Variants in KIAA0825 observed in about 807,000 individuals in gnomAD.
KIAA0825 encodes the protein KIAA0825.
A neutral mutation model predicts 147.6 loss-of-function variants in KIAA0825; 119 were observed. The observed-to-expected ratio is 0.81, with a 90% CI of 0.69 to 0.94. The LOEUF (loss-of-function observed/expected upper bound fraction) is 0.94. Among genes scored for constraint, KIAA0825 ranks in the 40% least tolerant of loss-of-function variants. The probability of loss-of-function intolerance (pLI) is 0.00; values close to 1 mark genes in which losing one functional copy is unlikely to be tolerated. For synonymous variants in KIAA0825, 470 were observed against 518.1 expected (o/e 0.91, Z 1.26); for missense variants, 1,381 against 1,472.7 (o/e 0.94, Z 1.02).
rs1750655021 is a variant in KIAA0825 at position 94,396,385 on chromosome 5, T to A, written c.3012A>T (p.Lys1004Asn). 9 of 1,550,088 alleles carry A rather than the reference T, an allele frequency of 5.8e-6. No individual in the cohort carries two copies. The highest frequency in any genetic ancestry group is 7.8e-6 in the Non-Finnish European group (9 of 1,146,524). Residue 1004 changes from lysine to asparagine, a missense_variant, in exon 17 of 21, where the codon AAA becomes AAT. Physicochemically the swap from Lys to Asn is moderately conservative, Grantham distance 94. Coordinates refer to ENST00000682413, the MANE Select transcript of KIAA0825 (RefSeq NM_001145678.3). The part of the protein sequence containing the change: ...FFLSERKMSK[K>N]FVELKKAGLL... ...GGCCAGCTTTCTTCAATTCAACAAA[T>A]TTTTTTGACATTTTTCTCTCAGACA...
intron 20 of KIAA0825, among the ~76,000 whole-genome samples, chr5:94,191,094 T>A (rs1313124084): frequency 6.6e-6 from 1 of 152,220 alleles, no homozygotes; most frequent in African/African-American, 2.4e-5. Flanking sequence ...TTCCATTAAA[T>A]GAATTCAAAT....
At chr5:94,191,321 C>T (rs577063243) in intron 20 of KIAA0825, among the ~76,000 whole-genome samples, 19 of 152,206 alleles carry the variant, frequency 1.2e-4, no homozygotes, top group African/African-American at 4.6e-4. Context: ...TGTTTAATTT[C>T]ATTCTAGAGA....
chr5:94,336,020 C>T (rs990684092), intron 20 of KIAA0825, among the ~76,000 whole-genome samples: 3 of 152,078 alleles, frequency 2.0e-5, no homozygotes, highest in Non-Finnish European at 4.4e-5. Context: ...TAATTGTCTA[C>T]AGTTTCCAGG....
chr5:94,286,073 T>G (rs1777654860), intron 20 of KIAA0825, among the ~76,000 whole-genome samples: 1 of 152,064 alleles, frequency 6.6e-6, no homozygotes, highest in African/African-American at 2.4e-5. Flanking sequence ...GAAAGCAAAA[T>G]AGAAACCCCT....
chr5:94,310,117 A>C (rs1779027143), intron 20 of KIAA0825, among the ~76,000 whole-genome samples: 1 of 151,758 alleles, frequency 6.6e-6, no homozygotes, highest in Non-Finnish European at 1.5e-5. Flanking sequence ...ACATATACTA[A>C]GTTAACATGC....
chr5:94,534,772 G>C (rs1771626419), intron 3 of KIAA0825, among the ~76,000 whole-genome samples: 1 of 152,118 alleles, frequency 6.6e-6, no homozygotes, highest in African/African-American at 2.4e-5. Flanking sequence ...AAAAGCATCA[G>C]AGTTCAGTGA....
Position 94,494,506 on chromosome 5 carries a change from G to C in KIAA0825, c.971-9576C>G, listed in dbSNP as rs575413541. Among the ~76,000 whole-genome samples the C allele has an allele frequency of 6.6e-5, 10 of 151,952 alleles. No individual in the cohort carries two copies. In the South Asian group the frequency reaches 2.1e-3, roughly 32 times the overall value. On this transcript the variant is annotated intron_variant, in intron 5 of 20. Coordinates refer to ENST00000682413, the MANE Select transcript of KIAA0825 (RefSeq NM_001145678.3). The stretch of plus-strand genomic sequence containing the variant: ...TTTCAGCTGACTTTTGTTTTATGCT[G>C]GTTTAACTCCCAGTTGTAAATACTT...
chr5:94,253,987 G>A (rs1222520469), intron 20 of KIAA0825, among the ~76,000 whole-genome samples: 2 of 152,074 alleles, frequency 1.3e-5, no homozygotes, highest in Admixed American at 1.3e-4. Flanking sequence ...TAGACTCTTA[G>A]TGAGCAAGAG....
chr5:94,305,132 T>C (rs927682186), intron 20 of KIAA0825, among the ~76,000 whole-genome samples: 8 of 152,072 alleles, frequency 5.3e-5, no homozygotes, highest in Non-Finnish European at 1.0e-4. Flanking sequence ...AAATATTCTT[T>C]GTGTTTAAGA....
At chr5:94,465,326 G>T (rs531612962) in intron 10 of KIAA0825, among the ~76,000 whole-genome samples, 3 of 152,296 alleles carry the variant, frequency 2.0e-5, no homozygotes, top group Middle Eastern at 3.4e-3. Flanking sequence ...CTAGCCTAGG[G>T]TTTAAAATCT....
chr5:94,340,083 A>G (rs142895412), intron 20 of KIAA0825, among the ~76,000 whole-genome samples: 375 of 152,274 alleles, frequency 2.5e-3, no homozygotes, highest in African/African-American at 8.4e-3. Flanking sequence ...GGTTGAGTTA[A>G]CATATGCTGT....
intron 20 of KIAA0825, among the ~76,000 whole-genome samples, chr5:94,179,852 C>A (rs1387973039): frequency 1.3e-5 from 2 of 150,272 alleles, no homozygotes; most frequent in African/African-American, 5.0e-5. Flanking sequence ...ATACATGAAT[C>A]CATACTAATA....
chr5:94,458,414 A>G (rs1327295226), intron 12 of KIAA0825, among the ~76,000 whole-genome samples: 2 of 152,176 alleles, frequency 1.3e-5, no homozygotes, highest in Non-Finnish European at 1.5e-5. Context: ...TGTGAAGAGC[A>G]ATTGTGGGTG....
chr5:94,447,697 A>T (rs1425756297), intron 13 of KIAA0825, among the ~76,000 whole-genome samples: 3 of 152,184 alleles, frequency 2.0e-5, no homozygotes, highest in African/African-American at 7.2e-5. Flanking sequence ...AGACCCACAT[A>T]GCATGTAATA....
chr5:94,546,820 G>A (rs116338637), intron 2 of KIAA0825, among the ~76,000 whole-genome samples: 7 of 125,578 alleles, frequency 5.6e-5, no homozygotes, highest in South Asian at 2.6e-4. Context: ...AAAAAAATCC[G>A]CAAGCATCAA....
At chr5:94,590,948 G>A (rs1784243026) in intron 1 of KIAA0825, among the ~76,000 whole-genome samples, 1 of 152,134 alleles carries the variant, frequency 6.6e-6, no homozygotes, top group African/African-American at 2.4e-5. Context: ...TAAAAGGAGA[G>A]GAAAACAGGA....
chr5:94,332,572 G>A (rs1781395714), intron 20 of KIAA0825, among the ~76,000 whole-genome samples: 1 of 152,114 alleles, frequency 6.6e-6, no homozygotes, highest in Non-Finnish European at 1.5e-5. Context: ...TTTTATGGCT[G>A]CATAGAATTC....
rs1761211201 is a variant in KIAA0825 at position 94,471,465 on chromosome 5, CT to C, written c.1721del (p.Lys574AsnfsTer81). The C allele has an allele frequency of 6.4e-7, 1 of 1,551,678 alleles. No homozygotes were observed. The highest frequency in any genetic ancestry group is 1.4e-5 in the African/African-American group (1 of 73,170). On this transcript the variant is annotated frameshift_variant and splice_region_variant, in exon 9 of 21. Coordinates refer to ENST00000682413, the MANE Select transcript of KIAA0825 (RefSeq NM_001145678.3). LOFTEE classifies it high-confidence loss of function. ...ATCATCTTAATTTAAACAACACTCA[CT>C]TTTTAGTCATTTCCTTCATCAAATT... Reference protein sequence around the residue: ...YDNLMKEMTKKPIFLVLVQRY... With the variant: ...YDNLMKEMTKXPIFLVLVQRY...
chr5:94,437,976 A>G (rs561675841), intron 14 of KIAA0825, among the ~76,000 whole-genome samples: 8 of 152,344 alleles, frequency 5.3e-5, no homozygotes, highest in African/African-American at 1.7e-4. Flanking sequence ...TTAAGGAGGA[A>G]TACAAAAATC....
Sources: allele counts gnomAD v4.1 joint callset (sites outside exome capture counted in the v4.1 genomes callset), GRCh38; gene constraint gnomAD v4.1.1; transcripts MANE v1.5; gene names NCBI Gene and HGNC (gene_info 2026-07-23, HGNC 2026-07-21).